LEF1: variants seen among roughly 807,000 people sequenced by gnomAD.
The protein encoded by LEF1 is lymphoid enhancer-binding factor 1.
In LEF1, 14 loss-of-function variants were observed where a neutral mutation model predicts 51.2. That is an observed-to-expected ratio of 0.27 (90% CI 0.18 to 0.43). The LOEUF (loss-of-function observed/expected upper bound fraction) is 0.43. Ranked by LOEUF, LEF1 falls within the 20% of genes least tolerant of loss-of-function variation. LEF1 has a pLI of 1.00. For synonymous variants in LEF1, 185 were observed against 183.2 expected (o/e 1.01, Z -0.08); for missense variants, 386 against 512.0 (o/e 0.75, Z 2.37).
intron 3 of LEF1, among the ~76,000 whole-genome samples, chr4:108,140,512 A>C (rs2110370796): frequency 1.3e-5 from 2 of 152,302 alleles, no homozygotes; most frequent in East Asian, 3.9e-4. Context: ...CTGTAACTCA[A>C]AGCAGCTCTC....
At chr4:108,108,310 G>C (rs1246239816) in intron 3 of LEF1, among the ~76,000 whole-genome samples, 1 of 152,102 alleles carries the variant, frequency 6.6e-6, no homozygotes, top group African/African-American at 2.4e-5. Flanking sequence ...AAAGGTCTTA[G>C]ATTATCATCA....
At chr4:108,157,168 C>CTCTA (rs1553960170) in intron 3 of LEF1, among the ~76,000 whole-genome samples, 9 of 133,792 alleles carry the variant, frequency 6.7e-5, no homozygotes, top group Non-Finnish European at 1.3e-4. Flanking sequence ...CTCTCTCTCT[C>CTCTA]TATATATATA....
Position 108,167,256 on chromosome 4 carries a change from T to C in LEF1, c.213+299A>G, listed in dbSNP as rs1475291573. The stretch of plus-strand genomic sequence containing the variant: ...CAACAAAAAGACCGAAGGCGAAACA[T>C]TGTGGGTTCCTGCCCGCGAACCAAC... On this transcript the variant is annotated intron_variant, in intron 1 of 11. Coordinates refer to ENST00000265165, the MANE Select transcript of LEF1 (RefSeq NM_016269.5). The surrounding 1 kb of genome is among the most constrained non-coding windows in gnomAD (Gnocchi z 5.7). Among the ~76,000 whole-genome samples, 1 of 151,888 alleles carries C rather than the reference T, an allele frequency of 6.6e-6. No individual in the cohort carries two copies. Among genetic ancestry groups the C allele is most frequent in the Non-Finnish European group, 1.5e-5 (1 of 67,988 alleles).
At chr4:108,103,687 A>G (rs1243156266) in intron 3 of LEF1, among the ~76,000 whole-genome samples, 1 of 152,228 alleles carries the variant, frequency 6.6e-6, no homozygotes, top group Non-Finnish European at 1.5e-5. Flanking sequence ...CTGTAAGTCA[A>G]TGTAAATAAT....
intron 3 of LEF1, among the ~76,000 whole-genome samples, chr4:108,144,738 G>T (rs2110380601): frequency 6.6e-6 from 1 of 152,142 alleles, no homozygotes; most frequent in African/African-American, 2.4e-5. Context: ...GACCTCAAAT[G>T]ATGTCATTTA....
chr4:108,104,486 T>A (rs867965955), intron 3 of LEF1, among the ~76,000 whole-genome samples: 1 of 147,192 alleles, frequency 6.8e-6, no homozygotes, highest in South Asian at 2.2e-4. Flanking sequence ...AATATATATA[T>A]AAATTATTAT....
chr4:108,126,507 TA>T (rs539287448), intron 3 of LEF1, among the ~76,000 whole-genome samples: 36 of 151,920 alleles, frequency 2.4e-4, no homozygotes, highest in African/African-American at 8.4e-4. Flanking sequence ...TAATAAAAAT[TA>T]GGTGGAAAAA....
At chr4:108,157,223 CACACAT>C (rs1401074610) in intron 3 of LEF1, among the ~76,000 whole-genome samples, 11 of 149,968 alleles carry the variant, frequency 7.3e-5, no homozygotes, top group African/African-American at 2.7e-4. Context: ...CACACACAAA[CACACAT>C]ATAGCTCTTT....
At position 108,079,577 on chromosome 4, in the gene LEF1, G is replaced by A; in HGVS notation, c.760C>T (p.His254Tyr). 1 of 1,613,934 alleles carries A rather than the reference G, an allele frequency of 6.2e-7. No homozygotes were observed. ...HHMIPGPPGP[H>Y]TTGIPHPAIV... is the part of the protein sequence containing the mutation. Reference sequence around the variant, plus strand: ...GCTGGATGAGGGATGCCAGTTGTGTGGGGACCAGGAGGACCGGGAATCATA... The same window carrying A: ...GCTGGATGAGGGATGCCAGTTGTGTAGGGACCAGGAGGACCGGGAATCATA... The change falls in exon 7 of 12, where the codon CAC becomes TAC. Residue 254 changes from histidine (H) to tyrosine (Y), a missense_variant. By Grantham distance (83) the His-to-Tyr change is moderately conservative. Coordinates refer to ENST00000265165, the MANE Select transcript of LEF1 (RefSeq NM_016269.5).
At chr4:108,160,262 T>A (rs150352231) in intron 3 of LEF1, among the ~76,000 whole-genome samples, 3 of 152,272 alleles carry the variant, frequency 2.0e-5, no homozygotes, top group African/African-American at 7.2e-5. Flanking sequence ...TAAAGAACTA[T>A]TTTTTTCTTT....
chr4:108,095,669 G>A (rs934484904), intron 3 of LEF1, among the ~76,000 whole-genome samples: 2 of 152,154 alleles, frequency 1.3e-5, no homozygotes, highest in Admixed American at 6.5e-5. Flanking sequence ...CTTTTAAAAC[G>A]CATGGAAAAC....
Position 108,056,761 on chromosome 4 carries a change from C to G in LEF1, c.*6+6862G>C, listed in dbSNP as rs182919460. Among the ~76,000 whole-genome samples the G allele has an allele frequency of 2.1e-3, 322 of 152,114 alleles. 2 individuals are homozygous for G. The highest frequency in any genetic ancestry group is 7.5e-3 in the African/African-American group (310 of 41,468). ...AGAAACGACACATATGGGAGCCTCT[C>G]CGGGCCACCACAACCTCCACCTCCT... On this transcript the variant is annotated intron_variant, in intron 11 of 11. Transcript: ENST00000265165.
rs1283879448 is a variant in LEF1, at chr4:108,048,350, C to G, written c.*408G>C. The G allele has an allele frequency of 5.2e-6, 1 of 193,728 alleles. No homozygotes were observed. Among genetic ancestry groups the G allele is most frequent in the Non-Finnish European group, 1.0e-5 (1 of 95,542 alleles). 12.0% of individuals were successfully genotyped at this position (193,728 alleles called of 1,614,324 possible). A position where few individuals can be genotyped will look rare whatever the true frequency, so the allele number is the denominator to read the frequency against. ...GGTTGCTGGCTCCAGTTGCGCATGA[C>G]AGGCAAATGCAGCCAAGTTACCGTC... On this transcript the variant is annotated 3_prime_UTR_variant, in exon 12 of 12. Coordinates refer to ENST00000265165, the MANE Select transcript of LEF1 (RefSeq NM_016269.5).
chr4:108,089,809 A>G (rs1739893811), intron 3 of LEF1, among the ~76,000 whole-genome samples: 1 of 152,160 alleles, frequency 6.6e-6, no homozygotes, highest in Non-Finnish European at 1.5e-5. Flanking sequence ...TATGTTGTAC[A>G]TCTTTAAGAA....
intron 11 of LEF1, among the ~76,000 whole-genome samples, chr4:108,053,426 C>A (rs1256121225): frequency 6.6e-6 from 1 of 152,154 alleles, no homozygotes; most frequent in Non-Finnish European, 1.5e-5. Flanking sequence ...CCCCTAACCA[C>A]AAAGCTCTAA....
At chr4:108,161,356 T>C (rs1303392410) in intron 3 of LEF1, among the ~76,000 whole-genome samples, 1 of 152,060 alleles carries the variant, frequency 6.6e-6, no homozygotes, top group Admixed American at 6.5e-5. Flanking sequence ...AATAAATACA[T>C]CCTAATATTT....
chr4:108,071,177 C>T (rs1464228722), intron 8 of LEF1, among the ~76,000 whole-genome samples: 4 of 152,188 alleles, frequency 2.6e-5, no homozygotes, highest in African/African-American at 7.2e-5. Flanking sequence ...TTATGCAAAA[C>T]GTGATAATTT....
At chr4:108,152,757 G>A (rs1034337749) in intron 3 of LEF1, among the ~76,000 whole-genome samples, 3 of 152,160 alleles carry the variant, frequency 2.0e-5, no homozygotes, top group African/African-American at 4.8e-5. Context: ...ATTTGCAGAC[G>A]GGGCCAGTAA....
rs1406118427 is a variant in LEF1 at position 108,146,722 on chromosome 4, G to A, written c.414+16846C>T. ...ATCAATATCCTAAAAACTCCGACAA[G>A]TTTTTTGTTTTTGTTTTTTGATCTT... is the stretch of plus-strand genomic sequence containing the variant. On this transcript the variant is annotated intron_variant, in intron 3 of 11. Coordinates refer to ENST00000265165, the MANE Select transcript of LEF1 (RefSeq NM_016269.5). 2.6e-5 allele frequency among the ~76,000 whole-genome samples: 4 copies of A among 152,126 alleles called. No individual in the cohort carries two copies. In the East Asian group the frequency reaches 7.7e-4, roughly 29 times the overall value.
Sources: gnomAD v4.1 joint callset for allele counts (sites outside exome capture counted in the v4.1 genomes callset) on GRCh38, gnomAD v4.1.1 for gene constraint, Gnocchi (gnomAD v3.1) non-coding constraint, MANE v1.5 for transcripts, NCBI Gene and HGNC (gene_info 2026-07-23, HGNC 2026-07-21) for gene names.